Variants in AACS observed in about 807,000 individuals in gnomAD.
AACS encodes the protein acetoacetate-CoA ligase.
In AACS, 69 loss-of-function variants were observed where a neutral mutation model predicts 83.1. The ratio of observed to expected loss-of-function variants is 0.83; its 90% CI spans 0.68 to 1.01. The LOEUF (loss-of-function observed/expected upper bound fraction) is 1.01. Among genes scored for constraint, AACS ranks in the 50% least tolerant of loss-of-function variants. The pLI is 0.00. For synonymous variants in AACS, 333 were observed against 343.4 expected (o/e 0.97, Z 0.33); for missense variants, 866 against 882.2 (o/e 0.98, Z 0.23).
At chr12:125,077,916 C>T (rs1410538516) in intron 3 of AACS, among the ~76,000 whole-genome samples, 1 of 152,106 alleles carries the variant, frequency 6.6e-6, no homozygotes, top group Non-Finnish European at 1.5e-5. Context: ...CCCATGTTGG[C>T]CAGGCTGGTC....
In AACS at chr12:125,084,317, CA is replaced by C. The variant is rs112950529; in HGVS notation, c.359-2002del. Among the ~76,000 whole-genome samples, 40 of 144,436 alleles carry C rather than the reference CA, an allele frequency of 2.8e-4. 1 individual carries two copies. The highest frequency in any genetic ancestry group is 4.8e-4 in the Admixed American group (7 of 14,558). The allele number at this position is 144,436 out of a possible 152,430, so 94.8% of individuals were successfully genotyped here. A position where few individuals can be genotyped will look rare whatever the true frequency, so the allele number is the denominator to read the frequency against. ...TGGGCAACAGAGCAAGACTCCATCTCAAAAAAAAAAAGGATCACTTTCTATA... is the reference window on the plus strand; with the variant it reads ...TGGGCAACAGAGCAAGACTCCATCTCAAAAAAAAAAGGATCACTTTCTATA... On this transcript the variant is annotated intron_variant, in intron 3 of 17. Coordinates refer to ENST00000316519, the MANE Select transcript of AACS (RefSeq NM_023928.5).
Position 125,094,749 on chromosome 12 carries a change from C to T in AACS, c.570+3226C>T, listed in dbSNP as rs937527948. 5.9e-5 allele frequency among the ~76,000 whole-genome samples: 9 copies of T among 152,318 alleles called. No individual in the cohort carries two copies. Among genetic ancestry groups the T allele is most frequent in the East Asian group, 1.9e-4 (1 of 5,192 alleles). On this transcript the variant is annotated intron_variant, in intron 5 of 17. Transcript: ENST00000316519. This position sits in a 1 kb window ranked among gnomAD's most constrained non-coding sequence, Gnocchi z 4.1. ...TAATGCTTTTGGGCTCGAAGGGCAT[C>T]GCCAGGTTGGGGAAGTGCTCTGTTC... is the stretch of plus-strand genomic sequence containing the variant.
rs1293085713 is a variant in AACS at position 125,094,301 on chromosome 12, G to C, written c.570+2778G>C. Among the ~76,000 whole-genome samples the C allele has an allele frequency of 2.0e-5, 3 of 152,250 alleles. No individual in the cohort carries two copies. The highest frequency in any genetic ancestry group is 7.2e-5 in the African/African-American group (3 of 41,474). On this transcript the variant is annotated intron_variant, in intron 5 of 17. Coordinates refer to ENST00000316519, the MANE Select transcript of AACS (RefSeq NM_023928.5). This position sits in a 1 kb window ranked among gnomAD's most constrained non-coding sequence, Gnocchi z 4.1. ...GGCGCTCTTCAGAAACTGCAATGAA[G>C]CGTGAATGTCTTCCCTTTGGAATCA...
chr12:125,118,836 A>T, intron 10 of AACS, 71 bp downstream of exon 10: 1 of 1,583,176 alleles, frequency 6.3e-7, no homozygotes, highest in South Asian at 1.2e-5. Context: ...GATCAGATGC[A>T]GAGCTGTGCC....
At chr12:125,073,630 G>A (rs1955937770) in intron 1 of AACS, among the ~76,000 whole-genome samples, 1 of 152,186 alleles carries the variant, frequency 6.6e-6, no homozygotes, top group Admixed American at 6.5e-5. Flanking sequence ...TCTTAGGCAT[G>A]GTAGTTAAGA....
Position 125,086,337 on chromosome 12 carries a change from CA to C in AACS, c.369del (p.Glu124ArgfsTer4). 1 of 1,614,034 alleles carries C rather than the reference CA, an allele frequency of 6.2e-7. No individual in the cohort carries two copies. The highest frequency in any genetic ancestry group is 8.5e-7 in the Non-Finnish European group (1 of 1,179,960). On this transcript the variant is annotated frameshift_variant, in exon 4 of 18. Coordinates refer to ENST00000316519, the MANE Select transcript of AACS (RefSeq NM_023928.5). LOFTEE classifies it high-confidence loss of function. ...RVALYIAREG[K>X]EEIVKVTFEE... Reference sequence around the variant, plus strand: ...CCCTTTTTCTCTTCCCAGGGGAAGGCAAAGAGGAAATTGTGAAGGTGACTTT... The same window carrying C: ...CCCTTTTTCTCTTCCCAGGGGAAGGCAAGAGGAAATTGTGAAGGTGACTTT...
chr12:125,139,612 C>T lies in AACS; in HGVS notation c.1882-2480C>T, dbSNP rs1221393796. ...TCAGCCTTCATTCGGAGTAGGTGCG[C>T]ATGCTGTGCAAAGCCCTTCCACACA... is the stretch of plus-strand genomic sequence containing the variant. On this transcript the variant is annotated intron_variant, in intron 17 of 17. Transcript: ENST00000316519. 4 of 152,354 alleles carry T rather than the reference C, an allele frequency of 2.6e-5. No homozygotes were observed. The East Asian group carries it at 7.7e-4, about 29-fold the overall frequency. The allele number at this position is 152,354 out of a possible 1,614,324, so 9.4% of individuals were successfully genotyped here.
chr12:125,074,620 T>C (rs12811544), intron 2 of AACS, among the ~76,000 whole-genome samples: 2 of 151,908 alleles, frequency 1.3e-5, no homozygotes, highest in Middle Eastern at 3.2e-3. Context: ...TATTTTAAAC[T>C]GTACACTTCA....
chr12:125,090,899 C>G (rs559331607), intron 4 of AACS: 1 of 169,954 alleles, frequency 5.9e-6, no homozygotes, highest in Admixed American at 5.5e-5. Flanking sequence ...TGCAGTTATG[C>G]TAAGTTTGGT....
intron 5 of AACS, among the ~76,000 whole-genome samples, chr12:125,095,019 G>A (rs926239707): frequency 7.8e-4 from 74 of 95,160 alleles, no homozygotes; most frequent in Non-Finnish European, 1.5e-3. Flanking sequence ...GTGTGTGTGT[G>A]TGTGTCTGTG....
chr12:125,091,892 C>G (rs963778181), intron 5 of AACS, among the ~76,000 whole-genome samples: 2 of 152,240 alleles, frequency 1.3e-5, no homozygotes, highest in Admixed American at 6.5e-5. Context: ...TTTTTGTTCT[C>G]AAAGTCCTGC....
At chr12:125,081,286 G>C (rs935959983) in intron 3 of AACS, among the ~76,000 whole-genome samples, 1 of 152,188 alleles carries the variant, frequency 6.6e-6, no homozygotes, top group Non-Finnish European at 1.5e-5. Flanking sequence ...GAACCACCAC[G>C]CCTAGCAGAG....
intron 5 of AACS, chr12:125,100,784 C>T (rs1046998909): frequency 3.3e-5 from 5 of 152,238 alleles, no homozygotes; most frequent in Admixed American, 1.3e-4. Context: ...GCTGCCCAGC[C>T]TCCCTCCCAC....
chr12:125,111,337 A>G (rs1956949294), intron 8 of AACS, among the ~76,000 whole-genome samples: 1 of 152,056 alleles, frequency 6.6e-6, no homozygotes, highest in Admixed American at 6.6e-5. Context: ...GTGGCCAAAC[A>G]AGACATTTTA....
chr12:125,077,716 A>G (rs1293873959), intron 3 of AACS, among the ~76,000 whole-genome samples: 1 of 151,454 alleles, frequency 6.6e-6, no homozygotes, highest in Non-Finnish European at 1.5e-5. Context: ...CCAAGTTGGC[A>G]ATTTTTTTTT....
intron 12 of AACS, 106 bp from the exon 13 acceptor site, chr12:125,128,055 G>C (rs1430413194): frequency 5.6e-6 from 4 of 720,136 alleles, no homozygotes; most frequent in Non-Finnish European, 9.0e-6. Context: ...TTGTCTGGGA[G>C]AGTAGATATT....
intron 7 of AACS, among the ~76,000 whole-genome samples, chr12:125,103,772 A>T (rs965619678): frequency 6.6e-6 from 1 of 151,988 alleles, no homozygotes; most frequent in Admixed American, 6.6e-5. Context: ...GCGGATCACG[A>T]GGTCAGGAGA....
chr12:125,081,704 C>T (rs538871548), intron 3 of AACS, among the ~76,000 whole-genome samples: 26 of 152,280 alleles, frequency 1.7e-4, no homozygotes, highest in Admixed American at 1.5e-3. Context: ...CAGCTGCCTG[C>T]GCAGCACATT....
chr12:125,073,739 C>A, intron 1 of AACS, 137 bp from the exon 2 acceptor site: 1 of 647,286 alleles, frequency 1.5e-6, no homozygotes, highest in Non-Finnish European at 2.6e-6. Flanking sequence ...AATTAAGCTC[C>A]TTCCTCCCCC....
Sources: gnomAD v4.1 joint callset for allele counts (sites outside exome capture counted in the v4.1 genomes callset) on GRCh38, gnomAD v4.1.1 for gene constraint, Gnocchi (gnomAD v3.1) non-coding constraint, MANE v1.5 for transcripts, NCBI Gene and HGNC (gene_info 2026-07-23, HGNC 2026-07-21) for gene names.